The following TBC1D32 variants were observed in gnomAD, a reference collection of about 807,000 sequenced individuals.
The protein encoded by TBC1D32 is protein broad-minded.
TBC1D32 carries 151 observed loss-of-function variants against 170.3 expected under a neutral mutation model. The observed-to-expected ratio is 0.89, with a 90% CI of 0.78 to 1.01. TBC1D32 has a LOEUF of 1.01. TBC1D32 is among the 50% of genes least tolerant of loss of function. The pLI, the probability that TBC1D32 is intolerant of heterozygous loss-of-function variation, is 0.00. For missense variants in TBC1D32, 1,464 were observed against 1,457.1 expected, an observed-to-expected ratio of 1.00 and a Z score of -0.08; for synonymous variants, 498 against 488.0, an observed-to-expected ratio of 1.02 and a Z score of -0.27.
chr6:121,115,400 C>G (rs1472938200), intron 26 of TBC1D32, 159 bp from the exon 27 acceptor site: 2 of 480,354 alleles, frequency 4.2e-6, no homozygotes, highest in Admixed American at 8.3e-5. Flanking sequence ...GTTACATTTT[C>G]AAAGGAATTA....
chr6:121,230,568 A>G (rs1222830468), intron 20 of TBC1D32, among the ~76,000 whole-genome samples: 1 of 151,966 alleles, frequency 6.6e-6, no homozygotes, highest in Non-Finnish European at 1.5e-5. Flanking sequence ...TATTTATTTT[A>G]CTGTGTCCAC....
At chr6:121,157,211 T>C (rs1168548927) in intron 24 of TBC1D32, among the ~76,000 whole-genome samples, 1 of 152,200 alleles carries the variant, frequency 6.6e-6, no homozygotes, top group Non-Finnish European at 1.5e-5. Flanking sequence ...TGCATACATA[T>C]GTAGGATAGC....
intron 22 of TBC1D32, 71 bp from the exon 23 acceptor site, chr6:121,161,127 T>C: frequency 3.4e-6 from 4 of 1,190,362 alleles, no homozygotes; most frequent in Non-Finnish European, 3.6e-6. Flanking sequence ...ATCAAGTCTC[T>C]GGATTGTAAA....
intron 15 of TBC1D32, among the ~76,000 whole-genome samples, chr6:121,257,071 T>C (rs528856086): frequency 6.6e-6 from 1 of 152,262 alleles, no homozygotes; most frequent in Admixed American, 6.5e-5. Context: ...TAGTTACAGG[T>C]CCTAATATTT....
chr6:121,317,773 C>CTT, intron 2 of TBC1D32, 101 bp from the exon 3 acceptor site: 2 of 797,102 alleles, frequency 2.5e-6, no homozygotes, highest in African/African-American at 1.9e-5. Flanking sequence ...AGGGAAGTCC[C>CTT]TTTAAGAACA....
At chr6:121,319,040 T>C (rs1809324215) in intron 2 of TBC1D32, among the ~76,000 whole-genome samples, 2 of 149,582 alleles carry the variant, frequency 1.3e-5, no homozygotes, top group South Asian at 4.2e-4. Context: ...ATATAATTTC[T>C]ACATAATTTA....
intron 30 of TBC1D32, among the ~76,000 whole-genome samples, chr6:121,098,984 T>C (rs1777723205): frequency 6.6e-6 from 1 of 152,032 alleles, no homozygotes; most frequent in Non-Finnish European, 1.5e-5. Flanking sequence ...CCAGCATTCA[T>C]ATCCTGCTTT....
intron 24 of TBC1D32, among the ~76,000 whole-genome samples, chr6:121,133,590 T>C (rs1392280539): frequency 6.6e-6 from 1 of 152,060 alleles, no homozygotes; most frequent in African/African-American, 2.4e-5. Flanking sequence ...GATTATCATA[T>C]ATAAAATCAG....
chr6:121,241,349 T>G, intron 19 of TBC1D32, 116 bp downstream of exon 19: 1 of 867,668 alleles, frequency 1.2e-6, no homozygotes, highest in Non-Finnish European at 1.8e-6. Flanking sequence ...TCTAACTTAG[T>G]AAAAAGAATT....
chr6:121,216,130 C>CCACT (rs1793793837), intron 21 of TBC1D32, among the ~76,000 whole-genome samples: 2 of 152,112 alleles, frequency 1.3e-5, no homozygotes, highest in South Asian at 2.1e-4. Flanking sequence ...GAAGGCAGAC[C>CCACT]CACTGTTAAT....
intron 22 of TBC1D32, among the ~76,000 whole-genome samples, chr6:121,195,461 AC>A (rs1012868505): frequency 2.0e-5 from 3 of 152,138 alleles, no homozygotes; most frequent in Non-Finnish European, 4.4e-5. Context: ...GGGTCAAGTC[AC>A]CATGTGACCT....
At chr6:121,237,309 A>C (rs1313940596) in intron 20 of TBC1D32, among the ~76,000 whole-genome samples, 1 of 151,652 alleles carries the variant, frequency 6.6e-6, no homozygotes, top group African/African-American at 2.4e-5. Context: ...TTCTTTCAAA[A>C]TTTTCTCTTT....
At position 121,173,634 on chromosome 6, in the gene TBC1D32, T is replaced by C. The variant is rs145150419; in HGVS notation, c.2571-12578A>G. Among the ~76,000 whole-genome samples, 818 of 151,784 alleles carry C rather than the reference T, an allele frequency of 5.4e-3. 3 individuals carry two copies. Among genetic ancestry groups the C allele is most frequent in the Middle Eastern group, 0.01 (3 of 294 alleles). ...GAACCAGAAGTCACAAAAAACTCTA[T>C]TAATAATTAATTACTAGTTAGATTA... is the stretch of plus-strand genomic sequence containing the variant. On this transcript the variant is annotated intron_variant, in intron 22 of 31. Coordinates refer to ENST00000398212, the MANE Select transcript of TBC1D32 (RefSeq NM_152730.6).
At chr6:121,279,362 A>G in intron 14 of TBC1D32, 117 bp from the exon 15 acceptor site, 1 of 1,179,050 alleles carries the variant, frequency 8.5e-7, no homozygotes, top group Non-Finnish European at 1.2e-6. Context: ...AACAAAAAAC[A>G]AGCTTAATGA....
intron 22 of TBC1D32, among the ~76,000 whole-genome samples, chr6:121,194,272 T>C (rs2088833): frequency 0.91 from 137,758 of 152,040 alleles, 63,423 homozygotes; most frequent in Non-Finnish European, 0.98. Context: ...GCTGGCAGAA[T>C]GCCCACATTG....
At chr6:121,130,319 T>C (rs954810013) in intron 25 of TBC1D32, among the ~76,000 whole-genome samples, 180 of 152,152 alleles carry the variant, frequency 1.2e-3, no homozygotes, top group African/African-American at 4.0e-3. Context: ...CCGTCTCTAC[T>C]AAAAATACAA....
chr6:121,324,336 T>C (rs1363356926), intron 1 of TBC1D32, among the ~76,000 whole-genome samples: 1 of 152,180 alleles, frequency 6.6e-6, no homozygotes, highest in African/African-American at 2.4e-5. Context: ...TTTAAAAGTA[T>C]AATTTACTTA....
At chr6:121,283,959 A>G (rs1583559431) in intron 12 of TBC1D32, 49 bp from the exon 13 acceptor site, 1 of 1,361,146 alleles carries the variant, frequency 7.3e-7, no homozygotes, top group Non-Finnish European at 1.0e-6. Context: ...TATTCTTTCA[A>G]CTTAAGAGAA....
intron 10 of TBC1D32, among the ~76,000 whole-genome samples, chr6:121,298,403 T>C (rs1248509362): frequency 6.6e-6 from 1 of 152,082 alleles, no homozygotes; most frequent in Non-Finnish European, 1.5e-5. Flanking sequence ...TGAAATACTT[T>C]CACTGGGGCC....
Sources: allele counts gnomAD v4.1 joint callset (sites outside exome capture counted in the v4.1 genomes callset), GRCh38; gene constraint gnomAD v4.1.1; transcripts MANE v1.5; gene names NCBI Gene and HGNC (gene_info 2026-07-23, HGNC 2026-07-21).